Variants in SLC16A10 observed in about 807,000 individuals in gnomAD.
SLC16A10 encodes the protein monocarboxylate transporter 10.
In SLC16A10, 27 loss-of-function variants were observed where a neutral mutation model predicts 40.0. The observed-to-expected ratio is 0.67, with a 90% confidence interval of 0.50 to 0.93. The LOEUF is 0.93. SLC16A10 is among the 40% of genes least tolerant of loss of function. The pLI is 0.00. For missense variants in SLC16A10, 529 were observed against 658.2 expected, an observed-to-expected ratio of 0.80 and a Z score of 2.15; for synonymous variants, 213 against 249.8, an observed-to-expected ratio of 0.85 and a Z score of 1.39.
Position 111,218,848 on chromosome 6 carries a change from T to C in SLC16A10, c.1121T>C (p.Met374Thr). The C allele has an allele frequency of 6.2e-7, 1 of 1,614,206 alleles. No individual in the cohort carries two copies. Among genetic ancestry groups the C allele is most frequent in the Non-Finnish European group, 8.5e-7 (1 of 1,180,036 alleles). The stretch of plus-strand genomic sequence containing the variant: ...TTTTTCTTCATTGGTCTGATGTCCA[T>C]GATGATTCCTCTGTGTAGCATCTTT... ...LSFFFIGLMS[M>T]MIPLCSIFGA... The change falls in exon 5 of 6, where the codon ATG (methionine) becomes ACG (threonine). Residue 374 changes from methionine (M) to threonine (T), a missense_variant. By Grantham distance (81) the Met-to-Thr change is moderately conservative. Transcript: ENST00000368851.
chr6:111,154,885 G>C (rs1011900761), intron 1 of SLC16A10, among the ~76,000 whole-genome samples: 3 of 151,960 alleles, frequency 2.0e-5, no homozygotes, highest in African/African-American at 7.2e-5. Context: ...TTAGCTGGGC[G>C]TGGTGGCAGT....
At chr6:111,184,672 G>T (rs1772863056) in intron 3 of SLC16A10, among the ~76,000 whole-genome samples, 1 of 151,952 alleles carries the variant, frequency 6.6e-6, no homozygotes, top group Non-Finnish European at 1.5e-5. Context: ...GGTAGAGATG[G>T]GTTTCACCAT....
intron 1 of SLC16A10, among the ~76,000 whole-genome samples, chr6:111,125,289 C>T (rs1583315937): frequency 6.6e-6 from 1 of 152,256 alleles, no homozygotes; most frequent in Admixed American, 6.5e-5. Flanking sequence ...ATTAGTTCAT[C>T]TCCAGGCCTC....
At chr6:111,130,245 C>G (rs919720514) in intron 1 of SLC16A10, among the ~76,000 whole-genome samples, 1 of 152,130 alleles carries the variant, frequency 6.6e-6, no homozygotes, top group Non-Finnish European at 1.5e-5. Context: ...AAACGAAATC[C>G]CATCACAGTG....
chr6:111,088,554 G>A (rs890778346), intron 1 of SLC16A10, among the ~76,000 whole-genome samples: 1 of 151,448 alleles, frequency 6.6e-6, no homozygotes, highest in Admixed American at 6.5e-5. Flanking sequence ...TTGGCGGGGC[G>A]GGGGGTGGAG....
In SLC16A10 at chr6:111,178,999, A is replaced by C. The variant is rs548130555; in HGVS notation, c.942+1334A>C. On this transcript the variant is annotated intron_variant, in intron 3 of 5. Coordinates refer to ENST00000368851, the MANE Select transcript of SLC16A10 (RefSeq NM_018593.5). ...ACATTTATTGTGTCCTTTCTTAAAA[A>C]GATGAGTAGAAATTCTTTTTCTTTT... Among the ~76,000 whole-genome samples the C allele has an allele frequency of 2.8e-4, 42 of 152,350 alleles. 1 individual carries two copies. In the East Asian group the frequency reaches 7.7e-3, roughly 28 times the overall value.
Position 111,201,885 on chromosome 6 carries a change from G to C in SLC16A10, c.943-4707G>C, listed in dbSNP as rs552105524. Among the ~76,000 whole-genome samples the C allele has an allele frequency of 2.0e-5, 3 of 152,296 alleles. No individual in the cohort carries two copies. The East Asian group carries it at 5.8e-4, about 29-fold the overall frequency. ...AAGCTTGAGTTTCTAATGCATGTTC[G>C]TTGGCTTTATTGGAGCTGCTTTTGT... On this transcript the variant is annotated intron_variant, in intron 3 of 5. Transcript: ENST00000368851.
intron 4 of SLC16A10, among the ~76,000 whole-genome samples, chr6:111,217,854 G>A (rs182088651): frequency 1.4e-3 from 213 of 152,212 alleles, no homozygotes; most frequent in Non-Finnish European, 3.1e-4. Flanking sequence ...AACTACGGCA[G>A]CATATAAACA....
intron 3 of SLC16A10, among the ~76,000 whole-genome samples, chr6:111,183,009 T>G (rs1328403183): frequency 6.6e-6 from 1 of 152,194 alleles, no homozygotes; most frequent in Non-Finnish European, 1.5e-5. Context: ...CCGCGGAGTT[T>G]GTTCTCTATG....
chr6:111,172,915 T>C (rs1296266460), intron 2 of SLC16A10, 76 bp downstream of exon 2: 2 of 1,514,224 alleles, frequency 1.3e-6, no homozygotes, highest in African/African-American at 1.4e-5. Flanking sequence ...GAAACTATGC[T>C]ATTTACAAGC....
At chr6:111,149,151 C>A (rs1772128846) in intron 1 of SLC16A10, among the ~76,000 whole-genome samples, 2 of 152,160 alleles carry the variant, frequency 1.3e-5, no homozygotes, top group Admixed American at 1.3e-4. Flanking sequence ...GTTAGTAATT[C>A]AACTATGATT....
chr6:111,176,744 G>C (rs1465388137), intron 2 of SLC16A10, among the ~76,000 whole-genome samples: 1 of 152,086 alleles, frequency 6.6e-6, no homozygotes, highest in Non-Finnish European at 1.5e-5. Flanking sequence ...TACCTTGTTT[G>C]GTAAGTACCT....
intron 4 of SLC16A10, among the ~76,000 whole-genome samples, chr6:111,217,182 G>A (rs972950301): frequency 1.3e-5 from 2 of 152,150 alleles, no homozygotes; most frequent in African/African-American, 2.4e-5. Flanking sequence ...GTTCCAGGAC[G>A]GCTCCATCTT....
chr6:111,156,430 T>C (rs1772271423), intron 1 of SLC16A10, among the ~76,000 whole-genome samples: 1 of 152,236 alleles, frequency 6.6e-6, no homozygotes, highest in South Asian at 2.1e-4. Flanking sequence ...TAAGCCATGT[T>C]GATACTGCAC....
intron 4 of SLC16A10, among the ~76,000 whole-genome samples, chr6:111,208,250 A>T (rs1234598): frequency 0.77 from 116,929 of 151,952 alleles, 45,782 homozygotes; most frequent in Non-Finnish European, 0.86. Flanking sequence ...AAGTGCTGGG[A>T]TTACAGGTGT....
intron 3 of SLC16A10, among the ~76,000 whole-genome samples, chr6:111,206,118 G>A (rs62420360): frequency 8.7e-5 from 13 of 148,748 alleles, no homozygotes; most frequent in Admixed American, 1.3e-4. Context: ...TTGCTCTGTC[G>A]CCCAGGCTGG....
At chr6:111,172,587 A>G (rs1269282749) in intron 1 of SLC16A10, 108 bp from the exon 2 acceptor site, 62 of 1,374,582 alleles carry the variant, frequency 4.5e-5, no homozygotes, top group Non-Finnish European at 5.6e-5. Context: ...CACTATACTC[A>G]AAAAAACTAA....
At chr6:111,176,651 A>G (rs1230208383) in intron 2 of SLC16A10, among the ~76,000 whole-genome samples, 1 of 152,236 alleles carries the variant, frequency 6.6e-6, no homozygotes, top group African/African-American at 2.4e-5. Context: ...TAGGCCAGCA[A>G]AAACAGGCAC....
At chr6:111,157,317 A>C (rs1291053475) in intron 1 of SLC16A10, among the ~76,000 whole-genome samples, 1 of 150,996 alleles carries the variant, frequency 6.6e-6, no homozygotes, top group East Asian at 2.0e-4. Flanking sequence ...GGAGTCTTGT[A>C]CTGTCACCTG....
Sources: allele counts gnomAD v4.1 joint callset (sites outside exome capture counted in the v4.1 genomes callset), GRCh38; gene constraint gnomAD v4.1.1; transcripts MANE v1.5; gene names NCBI Gene and HGNC (gene_info 2026-07-23, HGNC 2026-07-21).